The following SMNDC1 variants were observed in gnomAD, a reference collection of about 807,000 sequenced individuals.
SMNDC1 encodes survival of motor neuron-related-splicing factor 30.
In SMNDC1, 5 loss-of-function variants were observed where a neutral mutation model predicts 29.2. The ratio of observed to expected loss-of-function variants is 0.17; its 90% CI spans 0.09 to 0.36. The LOEUF (loss-of-function observed/expected upper bound fraction) is 0.36. Ranked by LOEUF, SMNDC1 falls within the 10% of genes least tolerant of loss-of-function variation. The pLI is 1.00. For missense variants in SMNDC1, 142 were observed against 268.5 expected, an observed-to-expected ratio of 0.53 and a Z score of 3.29; for synonymous variants, 80 against 89.9, an observed-to-expected ratio of 0.89 and a Z score of 0.62.
Position 110,293,575 on chromosome 10 carries a change from CAGCT to C in SMNDC1, c.*571_*574del, listed in dbSNP as rs1332391893. 1.3e-5 allele frequency: 2 copies of C among 152,156 alleles called. No individual in the cohort carries two copies. Among genetic ancestry groups the C allele is most frequent in the African/African-American group, 4.8e-5 (2 of 41,454 alleles). The allele number at this position is 152,156 out of a possible 1,614,324, so 9.4% of individuals were successfully genotyped here. A position where few individuals can be genotyped will look rare whatever the true frequency, so the allele number is the denominator to read the frequency against. On this transcript the variant is annotated 3_prime_UTR_variant, in exon 6 of 6. Transcript: ENST00000369603. ...AAACTAAGAGTACATAAAAATAAAA[CAGCT>C]AGATCAATTTTAGAGATGGCCTAAT...
At chr10:110,300,805 TAATAA>T (rs1387318653) in intron 2 of SMNDC1, 6 of 712,324 alleles carry the variant, frequency 8.4e-6, no homozygotes, top group Non-Finnish European at 1.0e-5. Context: ...CAAAACAGCC[TAATAA>T]ATTGACTATC....
chr10:110,297,419 C>T lies in SMNDC1; in HGVS notation c.425+148G>A, dbSNP rs923824296. ...TTCACTTTACTTAGGCACACTTACA[C>T]AGACAATGTTGACCCTTTGTTGCTA... On this transcript the variant is annotated intron_variant, in intron 4 of 5. Coordinates refer to ENST00000369603, the MANE Select transcript of SMNDC1 (RefSeq NM_005871.4). 1.6e-5 allele frequency: 11 copies of T among 693,948 alleles called. No individual in the cohort carries two copies. The African/African-American group carries it at 1.8e-4, about 11-fold the overall frequency. 43.0% of individuals were successfully genotyped at this position (693,948 alleles called of 1,614,324 possible). A position where few individuals can be genotyped will look rare whatever the true frequency, so the allele number is the denominator to read the frequency against.
chr10:110,303,597 AT>A lies in SMNDC1; in HGVS notation c.1-11del, dbSNP rs1206149498. Reference sequence around the variant, plus strand: ...CTAAATCCTCTGACATCTAGGGAAAATAAAAAGGGTTAGACCATGAAAACTA... The same window carrying A: ...CTAAATCCTCTGACATCTAGGGAAAAAAAAAGGGTTAGACCATGAAAACTA... On this transcript the variant is annotated splice_polypyrimidine_tract_variant and intron_variant, in intron 1 of 5. Transcript: ENST00000369603. 1 of 1,577,108 alleles carries A rather than the reference AT, an allele frequency of 6.3e-7. No homozygotes were observed. The highest frequency in any genetic ancestry group is 8.6e-7 in the Non-Finnish European group (1 of 1,167,738).
In SMNDC1 at chr10:110,290,730, T is replaced by C. The variant is rs1284817533; in HGVS notation, c.*3420A>G. ...TCAGCTGATATTTATTGAATCAAGA[T>C]TTAAAAAAATATAAAACCTCATTGG... On this transcript the variant is annotated 3_prime_UTR_variant, in exon 6 of 6. Transcript: ENST00000369603. 1 of 152,160 alleles carries C rather than the reference T, an allele frequency of 6.6e-6. No homozygotes were observed. The highest frequency in any genetic ancestry group is 1.5e-5 in the Non-Finnish European group (1 of 68,008). 9.4% of individuals were successfully genotyped at this position (152,160 alleles called of 1,614,324 possible).
At position 110,294,230 on chromosome 10, in the gene SMNDC1, T is replaced by C; in HGVS notation, c.637A>G (p.Thr213Ala). The change falls in exon 6 of 6, where the codon ACC becomes GCC. Residue 213 changes from threonine to alanine, a missense_variant. Transcript: ENST00000369603. ...ESVTGKVGVG[T>A]CGIADKPMTQ... ...ATAGGTTTATCAGCAATTCCACAGG[T>C]TCCTACTCCAACTTTACCAGTCACA... 6.2e-7 allele frequency: 1 copy of C among 1,608,594 alleles called. No homozygotes were observed. The highest frequency in any genetic ancestry group is 8.5e-7 in the Non-Finnish European group (1 of 1,177,252).
rs953982559 is a variant in SMNDC1 at position 110,293,788 on chromosome 10, G to A, written c.*362C>T. On this transcript the variant is annotated 3_prime_UTR_variant, in exon 6 of 6. Coordinates refer to ENST00000369603, the MANE Select transcript of SMNDC1 (RefSeq NM_005871.4). ...GTGTTCCAATGAATTGCTAGAGTAT[G>A]TGTCAAGTTCAAAGCATCTGAAAAT... 6.4e-6 allele frequency: 1 copy of A among 157,178 alleles called. No homozygotes were observed. Among genetic ancestry groups the A allele is most frequent in the Non-Finnish European group, 1.4e-5 (1 of 71,578 alleles). The allele number at this position is 157,178 out of a possible 1,614,324, so 9.7% of individuals were successfully genotyped here. A position where few individuals can be genotyped will look rare whatever the true frequency, so the allele number is the denominator to read the frequency against.
intron 2 of SMNDC1, among the ~76,000 whole-genome samples, chr10:110,302,845 T>A (rs1386709884): frequency 2.0e-5 from 3 of 152,214 alleles, no homozygotes; most frequent in Non-Finnish European, 4.4e-5. Flanking sequence ...TCTACTAAAC[T>A]CTACCATGAC....
intron 2 of SMNDC1, among the ~76,000 whole-genome samples, chr10:110,299,338 G>C (rs546415139): frequency 6.6e-6 from 1 of 152,220 alleles, no homozygotes; most frequent in Non-Finnish European, 1.5e-5. Context: ...TTCAATTATT[G>C]TAAAACTCAC....
intron 4 of SMNDC1, among the ~76,000 whole-genome samples, chr10:110,296,250 A>C (rs1857561020): frequency 1.3e-5 from 2 of 152,166 alleles, no homozygotes; most frequent in African/African-American, 4.8e-5. Flanking sequence ...AACCCCCAAT[A>C]ATTTCTGCTC....
Position 110,294,128 on chromosome 10 carries a change from T to C in SMNDC1, c.*22A>G. On this transcript the variant is annotated 3_prime_UTR_variant, in exon 6 of 6. Coordinates refer to ENST00000369603, the MANE Select transcript of SMNDC1 (RefSeq NM_005871.4). ...AGGTAAATGTAAAGCCCTGCAGAGATGAAATCCAACAGTTTTTCTGATTAT... is the reference window on the plus strand; with the variant it reads ...AGGTAAATGTAAAGCCCTGCAGAGACGAAATCCAACAGTTTTTCTGATTAT... The C allele has an allele frequency of 6.4e-7, 1 of 1,554,150 alleles. No individual in the cohort carries two copies. Among genetic ancestry groups the C allele is most frequent in the Non-Finnish European group, 8.7e-7 (1 of 1,155,652 alleles).
chr10:110,299,961 T>C (rs557328124), intron 2 of SMNDC1, among the ~76,000 whole-genome samples: 63 of 152,214 alleles, frequency 4.1e-4, no homozygotes, highest in Non-Finnish European at 7.3e-4. Context: ...TCTCTAAGTT[T>C]TATTAGTTGC....
intron 3 of SMNDC1, 152 bp downstream of exon 3, chr10:110,298,496 T>C (rs953233193): frequency 1.7e-6 from 1 of 576,980 alleles, no homozygotes; most frequent in East Asian, 2.8e-5. Flanking sequence ...ACTGTATTAA[T>C]GGCAACCACC....
At chr10:110,301,464 G>T (rs1296190987) in intron 2 of SMNDC1, among the ~76,000 whole-genome samples, 1 of 152,206 alleles carries the variant, frequency 6.6e-6, no homozygotes, top group Admixed American at 6.5e-5. Flanking sequence ...AATAAAATGG[G>T]AAGAAACTCT....
intron 1 of SMNDC1, chr10:110,304,224 G>A (rs577315289): frequency 6.6e-6 from 1 of 152,308 alleles, no homozygotes; most frequent in African/African-American, 2.4e-5. Context: ...TCATTTTCCT[G>A]AAAATAAGAT....
intron 4 of SMNDC1, among the ~76,000 whole-genome samples, chr10:110,296,961 C>G (rs554425392): frequency 2.2e-4 from 34 of 152,348 alleles, no homozygotes; most frequent in African/African-American, 7.7e-4. Context: ...CTGCCCCTAT[C>G]TTACAGATGA....
chr10:110,297,755 G>C, intron 3 of SMNDC1, 27 bp from the exon 4 acceptor site: 1 of 1,605,470 alleles, frequency 6.2e-7, no homozygotes, highest in South Asian at 1.1e-5. Context: ...GCTGTAAGCA[G>C]GTGAGTAAAG....
rs1395598007 is a variant in SMNDC1 at position 110,290,935 on chromosome 10, T to C, written c.*3215A>G. On this transcript the variant is annotated 3_prime_UTR_variant, in exon 6 of 6. Coordinates refer to ENST00000369603, the MANE Select transcript of SMNDC1 (RefSeq NM_005871.4). Reference sequence around the variant, plus strand: ...GAGTCACACAACTACAGTTTTCCTTTATGTTAACCTGATGGTCTCCTTTGC... The same window carrying C: ...GAGTCACACAACTACAGTTTTCCTTCATGTTAACCTGATGGTCTCCTTTGC... 3.3e-5 allele frequency: 5 copies of C among 152,196 alleles called. No homozygotes were observed. 9.4% of individuals were successfully genotyped at this position (152,196 alleles called of 1,614,324 possible). A position where few individuals can be genotyped will look rare whatever the true frequency, so the allele number is the denominator to read the frequency against.
At chr10:110,300,446 A>G in intron 2 of SMNDC1, 1 of 531,882 alleles carries the variant, frequency 1.9e-6, no homozygotes, top group Non-Finnish European at 2.4e-6. Flanking sequence ...CTCCCAACAA[A>G]CTATGAAGAA....
At position 110,293,337 on chromosome 10, in the gene SMNDC1, T is replaced by G. The variant is rs1394612429; in HGVS notation, c.*813A>C. ...TTAATGATGAAATATTCAGTATTCTTGTTCATTAATTTAGCCTTGTGTTTT... is the reference window on the plus strand; with the variant it reads ...TTAATGATGAAATATTCAGTATTCTGGTTCATTAATTTAGCCTTGTGTTTT... On this transcript the variant is annotated 3_prime_UTR_variant, in exon 6 of 6. Coordinates refer to ENST00000369603, the MANE Select transcript of SMNDC1 (RefSeq NM_005871.4). 6.6e-6 allele frequency: 1 copy of G among 152,650 alleles called. No individual in the cohort carries two copies. The highest frequency in any genetic ancestry group is 2.4e-5 in the African/African-American group (1 of 41,456). The allele number at this position is 152,650 out of a possible 1,614,324, so 9.5% of individuals were successfully genotyped here. A position where few individuals can be genotyped will look rare whatever the true frequency, so the allele number is the denominator to read the frequency against.
Sources: allele counts gnomAD v4.1 joint callset (sites outside exome capture counted in the v4.1 genomes callset), GRCh38; gene constraint gnomAD v4.1.1; transcripts MANE v1.5; gene names NCBI Gene and HGNC (gene_info 2026-07-23, HGNC 2026-07-21).